ADAM18: variants seen among roughly 807,000 people sequenced by gnomAD.
The protein encoded by ADAM18 is disintegrin and metalloproteinase domain-containing protein 18.
Under a neutral mutation model 94.4 loss-of-function variants are expected in ADAM18, and 117 were observed. The observed-to-expected ratio is 1.24, with a 90% confidence interval of 1.07 to 1.45. The LOEUF (loss-of-function observed/expected upper bound fraction) is 1.45. Among genes scored for constraint, ADAM18 ranks in the 40% most tolerant of loss-of-function variants. The pLI is 0.00. For synonymous variants in ADAM18, 327 were observed against 291.6 expected (o/e 1.12, Z -1.24); for missense variants, 936 against 880.0 (o/e 1.06, Z -0.81).
At chr8:39,637,080 A>T (rs1820100466) in intron 7 of ADAM18, among the ~76,000 whole-genome samples, 184 bp from the exon 8 acceptor site, 1 of 146,078 alleles carries the variant, frequency 6.8e-6, no homozygotes, top group Admixed American at 6.9e-5. Flanking sequence ...TATACATAAT[A>T]TATAATCCAT....
In ADAM18 at chr8:39,610,621, A is replaced by G. The variant is rs766072613; in HGVS notation, c.437A>G (p.Asn146Ser). The G allele has an allele frequency of 6.2e-7, 1 of 1,613,084 alleles. No individual in the cohort carries two copies. Among genetic ancestry groups the G allele is most frequent in the East Asian group, 2.2e-5 (1 of 44,740 alleles). ...CATATAATTTATCAAATGAAAAATAATGATCCAAATGTATCCATTTTAGCA... is the reference window on the plus strand; with the variant it reads ...CATATAATTTATCAAATGAAAAATAGTGATCCAAATGTATCCATTTTAGCA... ...FEHIIYQMKN[N>S]DPNVSILAVN... Residue 146 changes from asparagine to serine, a missense_variant, in exon 6 of 20, where the codon AAT becomes AGT. Transcript: ENST00000265707.
chr8:39,616,275 G>GTGTATTCCCA (rs1172416355), intron 6 of ADAM18, among the ~76,000 whole-genome samples: 1 of 151,874 alleles, frequency 6.6e-6, no homozygotes, highest in Non-Finnish European at 1.5e-5. Flanking sequence ...TGGCGTGCAC[G>GTGTATTCCCA]TGTATTCCCA....
intron 5 of ADAM18, among the ~76,000 whole-genome samples, 173 bp from the exon 6 acceptor site, chr8:39,610,356 G>T (rs574473254): frequency 1.3e-5 from 2 of 152,090 alleles, no homozygotes; most frequent in Admixed American, 1.3e-4. Flanking sequence ...CAGATATGGT[G>T]GCTCTTACTA....
At chr8:39,693,679 T>C (rs988183279) in intron 17 of ADAM18, among the ~76,000 whole-genome samples, 2 of 151,228 alleles carry the variant, frequency 1.3e-5, no homozygotes, top group African/African-American at 2.4e-5. Context: ...ACTTCTACTT[T>C]TTAGATTTTT....
rs981859613 is a variant in ADAM18 at position 39,619,121 on chromosome 8, A to G, written c.522+8415A>G. Among the ~76,000 whole-genome samples the G allele has an allele frequency of 7.2e-5, 11 of 152,338 alleles. No homozygotes were observed. In the South Asian group the frequency reaches 2.3e-3, roughly 32 times the overall value. ...GTGGTCAATACAAGAAAAGGATAAA[A>G]CAATCACAAATATCTTTGCACCCAA... On this transcript the variant is annotated intron_variant, in intron 6 of 19. Transcript: ENST00000265707.
chr8:39,647,031 G>T (rs1337341923), intron 11 of ADAM18, among the ~76,000 whole-genome samples: 1 of 151,874 alleles, frequency 6.6e-6, no homozygotes, highest in Non-Finnish European at 1.5e-5. Context: ...TCGTCAGGTG[G>T]GACGAGAGAC....
chr8:39,636,174 A>ATTTTTTGG (rs1820071476), intron 7 of ADAM18, among the ~76,000 whole-genome samples: 1 of 151,780 alleles, frequency 6.6e-6, no homozygotes, highest in Non-Finnish European at 1.5e-5. Flanking sequence ...ATGCACCACA[A>ATTTTTTGG]TGCCTGGATA....
chr8:39,655,514 T>C (rs938999667), intron 12 of ADAM18, among the ~76,000 whole-genome samples: 2 of 152,150 alleles, frequency 1.3e-5, no homozygotes, highest in African/African-American at 4.8e-5. Flanking sequence ...AAACTCACTA[T>C]ATTTAAGAAA....
intron 18 of ADAM18, among the ~76,000 whole-genome samples, chr8:39,714,516 C>T (rs1008536729): frequency 1.1e-4 from 17 of 152,140 alleles, no homozygotes; most frequent in African/African-American, 4.1e-4. Flanking sequence ...ATGTTGTCTA[C>T]AAGAAGCACC....
At chr8:39,600,746 G>A (rs1818876686) in intron 2 of ADAM18, among the ~76,000 whole-genome samples, 1 of 152,208 alleles carries the variant, frequency 6.6e-6, no homozygotes, top group Non-Finnish European at 1.5e-5. Flanking sequence ...GACCTGCAAA[G>A]CTTATGGTGG....
intron 12 of ADAM18, among the ~76,000 whole-genome samples, chr8:39,659,706 T>A (rs1219433205): frequency 1.3e-5 from 2 of 152,022 alleles, no homozygotes; most frequent in Non-Finnish European, 2.9e-5. Context: ...TATCAGTAAT[T>A]AACAACAGTC....
rs78806512 is a variant in ADAM18, at chr8:39,631,092, A to G, written c.588+1653A>G. On this transcript the variant is annotated intron_variant, in intron 7 of 19. Coordinates refer to ENST00000265707, the MANE Select transcript of ADAM18 (RefSeq NM_014237.3). Reference sequence around the variant, plus strand: ...TTACTATTTTGTGGGGATTCCTTATATATTCCAAATATGAGGACTTTTTCA... The same window carrying G: ...TTACTATTTTGTGGGGATTCCTTATGTATTCCAAATATGAGGACTTTTTCA... Among the ~76,000 whole-genome samples, 280 of 152,060 alleles carry G rather than the reference A, an allele frequency of 1.8e-3. 1 individual carries two copies. Among genetic ancestry groups the G allele is most frequent in the African/African-American group, 6.3e-3 (262 of 41,548 alleles).
intron 7 of ADAM18, among the ~76,000 whole-genome samples, chr8:39,630,236 C>T (rs1819895344): frequency 6.6e-6 from 1 of 151,420 alleles, no homozygotes; most frequent in South Asian, 2.1e-4. Flanking sequence ...AAAATTAGTA[C>T]TATTATATAT....
intron 3 of ADAM18, among the ~76,000 whole-genome samples, chr8:39,607,822 T>A (rs1819137728): frequency 6.6e-6 from 1 of 151,982 alleles, no homozygotes; most frequent in Non-Finnish European, 1.5e-5. Flanking sequence ...GGTTTTTTTT[T>A]TTCCCCCTAG....
chr8:39,708,086 T>C (rs914229839), intron 18 of ADAM18, among the ~76,000 whole-genome samples: 2 of 152,194 alleles, frequency 1.3e-5, no homozygotes, highest in Non-Finnish European at 2.9e-5. Context: ...CAGAAAGGAA[T>C]GATGGGAGAT....
In ADAM18 at chr8:39,584,626, T is replaced by A. The variant is rs752177503; in HGVS notation, c.4T>A (p.Phe2Ile). M[F>I]LLLALLTELG... is the part of the protein sequence containing the mutation. ...GCTCCTGCGCTCTGGCTGAGCCATG[T>A]TCCTTCTCCTCGCCCTCCTCACTGA... The change falls in exon 1 of 20, where the codon TTC (phenylalanine) becomes ATC (isoleucine). Residue 2 changes from phenylalanine (F) to isoleucine (I), a missense_variant. Physicochemically the swap from Phe to Ile is conservative, Grantham distance 21 (BLOSUM62 0). Coordinates refer to ENST00000265707, the MANE Select transcript of ADAM18 (RefSeq NM_014237.3). 4.3e-6 allele frequency: 7 copies of A among 1,613,096 alleles called. No individual in the cohort carries two copies. The highest frequency in any genetic ancestry group is 5.9e-6 in the Non-Finnish European group (7 of 1,180,022).
intron 17 of ADAM18, among the ~76,000 whole-genome samples, chr8:39,701,773 G>C (rs933005998): frequency 2.0e-5 from 3 of 152,090 alleles, no homozygotes; most frequent in African/African-American, 7.2e-5. Flanking sequence ...GTTTGCCAAG[G>C]ATAATGGCCT....
At chr8:39,599,632 CAG>C (rs1818844972) in intron 2 of ADAM18, among the ~76,000 whole-genome samples, 1 of 152,076 alleles carries the variant, frequency 6.6e-6, no homozygotes, top group African/African-American at 2.4e-5. Context: ...TTTCTAGACA[CAG>C]ATATTGCTCA....
chr8:39,673,425 C>T (rs1821209753), intron 14 of ADAM18, among the ~76,000 whole-genome samples: 1 of 152,134 alleles, frequency 6.6e-6, no homozygotes, highest in African/African-American at 2.4e-5. Flanking sequence ...CCCATCAACT[C>T]ATCATTTACA....
Sources: gnomAD v4.1 joint callset for allele counts (sites outside exome capture counted in the v4.1 genomes callset) on GRCh38, gnomAD v4.1.1 for gene constraint, MANE v1.5 for transcripts, NCBI Gene and HGNC (gene_info 2026-07-23, HGNC 2026-07-21) for gene names.